RAPGEF2: variants seen among roughly 807,000 people sequenced by gnomAD.
RAPGEF2 encodes PDZ domain containing guanine nucleotide exchange factor (GEF) 1.
In RAPGEF2, 54 loss-of-function variants were observed where a neutral mutation model predicts 186.7. The observed-to-expected ratio is 0.29, with a 90% CI of 0.23 to 0.36. The LOEUF (loss-of-function observed/expected upper bound fraction) is 0.36. Among genes scored for constraint, RAPGEF2 ranks in the 10% least tolerant of loss-of-function variants. The pLI is 1.00. For synonymous variants in RAPGEF2, 712 were observed against 705.9 expected (o/e 1.01, Z -0.14); for missense variants, 1,532 against 2,045.0 (o/e 0.75, Z 4.84).
chr4:159,308,671 A>G (rs1204175213), intron 8 of RAPGEF2, among the ~76,000 whole-genome samples: 1 of 152,172 alleles, frequency 6.6e-6, no homozygotes, highest in African/African-American at 2.4e-5. Flanking sequence ...CACCAGGGAG[A>G]TATGGATAGA....
intron 1 of RAPGEF2, among the ~76,000 whole-genome samples, chr4:159,184,968 C>G (rs1220859751): frequency 3.3e-5 from 5 of 152,080 alleles, no homozygotes; most frequent in Non-Finnish European, 5.9e-5. Flanking sequence ...AGCCAGTTTC[C>G]CCAGCACCAT....
rs375822734 is a variant in RAPGEF2, at chr4:159,106,923, C to T, written c.69+2692C>T. On this transcript the variant is annotated intron_variant, in intron 1 of 29. Coordinates refer to ENST00000691494, the MANE Select transcript of RAPGEF2 (RefSeq NM_001394067.2). ...TGGGAGCTTTTCATGTCCACCTGCACAATGGAAACGCATTTCAGTTATATC... is the reference window on the plus strand; with the variant it reads ...TGGGAGCTTTTCATGTCCACCTGCATAATGGAAACGCATTTCAGTTATATC... 6.6e-5 allele frequency among the ~76,000 whole-genome samples: 10 copies of T among 152,146 alleles called. No homozygotes were observed. In the East Asian group the frequency reaches 1.9e-3, roughly 29 times the overall value.
chr4:159,337,338 A>C (rs79534344), intron 17 of RAPGEF2, among the ~76,000 whole-genome samples: 2,325 of 152,334 alleles, frequency 0.015, 67 homozygotes, highest in African/African-American at 0.053. Context: ...TCTCTAAAAC[A>C]TCGAGAATAA....
intron 3 of RAPGEF2, among the ~76,000 whole-genome samples, chr4:159,206,472 T>C (rs1401032297): frequency 6.6e-6 from 1 of 152,192 alleles, no homozygotes; most frequent in African/African-American, 2.4e-5. Flanking sequence ...AATTTGCATA[T>C]CCTTTAAGTA....
chr4:159,342,608 T>TTTATTTTATCTTATG (rs1729700724), intron 20 of RAPGEF2, among the ~76,000 whole-genome samples: 1 of 148,124 alleles, frequency 6.8e-6, no homozygotes, highest in African/African-American at 2.5e-5. Flanking sequence ...TTTATTTTAT[T>TTTATTTTATCTTATG]TTATTTTATT....
intron 2 of RAPGEF2, among the ~76,000 whole-genome samples, chr4:159,188,818 A>G (rs924984886): frequency 2.0e-5 from 3 of 152,190 alleles, no homozygotes; most frequent in South Asian, 2.1e-4. Flanking sequence ...AGTTGAGTCT[A>G]TTTACACCTT....
intron 28 of RAPGEF2, 147 bp from the exon 29 acceptor site, chr4:159,355,706 G>A (rs1157767936): frequency 2.8e-6 from 2 of 724,042 alleles, no homozygotes; most frequent in Admixed American, 2.9e-5. Flanking sequence ...TCCCTGGCCT[G>A]CCTCACACCG....
chr4:159,314,318 C>G (rs562134284), intron 8 of RAPGEF2, among the ~76,000 whole-genome samples: 2 of 152,238 alleles, frequency 1.3e-5, no homozygotes, highest in African/African-American at 4.8e-5. Flanking sequence ...CTTCTTTATT[C>G]TACTATGTTT....
At chr4:159,108,410 G>A (rs1247223910) in intron 1 of RAPGEF2, among the ~76,000 whole-genome samples, 1 of 144,518 alleles carries the variant, frequency 6.9e-6, no homozygotes, top group Non-Finnish European at 1.5e-5. Flanking sequence ...TTTTTTTAAG[G>A]AGAAGATGAC....
chr4:159,114,394 G>T (rs865890209), intron 1 of RAPGEF2, among the ~76,000 whole-genome samples: 1 of 151,986 alleles, frequency 6.6e-6, no homozygotes. Flanking sequence ...GAGCCACTGC[G>T]CCCGGCCCTA....
In RAPGEF2 at chr4:159,341,820, TG is replaced by T. The variant is rs1248812832; in HGVS notation, c.2794del (p.Val932Ter). 1 of 1,612,934 alleles carries T rather than the reference TG, an allele frequency of 6.2e-7. No homozygotes were observed. Among genetic ancestry groups the T allele is most frequent in the East Asian group, 2.2e-5 (1 of 44,758 alleles). On this transcript the variant is annotated frameshift_variant, in exon 20 of 30. Coordinates refer to ENST00000691494, the MANE Select transcript of RAPGEF2 (RefSeq NM_001394067.2). LOFTEE classifies it high-confidence loss of function. ...AGAAGTCATTAACCAGGAAACATTT[TG>T]GGTAGCATCTGAAATTCTCAGAGAA... ...FEEVINQETF[W>X]VASEILRETN...
At chr4:159,178,009 C>T (rs1176417915) in intron 1 of RAPGEF2, among the ~76,000 whole-genome samples, 1 of 152,168 alleles carries the variant, frequency 6.6e-6, no homozygotes, top group African/African-American at 2.4e-5. Flanking sequence ...AGTCCATAGA[C>T]ATTTACCACT....
At chr4:159,278,672 T>C (rs961780086) in intron 7 of RAPGEF2, among the ~76,000 whole-genome samples, 8 of 152,188 alleles carry the variant, frequency 5.3e-5, no homozygotes, top group African/African-American at 1.9e-4. Flanking sequence ...AGCATTGTGG[T>C]CAGAAAACTC....
At chr4:159,159,216 A>C (rs921483369) in intron 1 of RAPGEF2, among the ~76,000 whole-genome samples, 6 of 152,110 alleles carry the variant, frequency 3.9e-5, no homozygotes, top group Admixed American at 2.6e-4. Flanking sequence ...TGGATCACGC[A>C]GCTGTTTATT....
chr4:159,314,582 T>C lies in RAPGEF2; in HGVS notation c.676-9T>C, dbSNP rs750864786. On this transcript the variant is annotated splice_polypyrimidine_tract_variant and intron_variant, in intron 8 of 29. Transcript: ENST00000691494. ...AAATAGTTTTTAATTTTTGTGTGTG[T>C]GTCTTAAGGCCACAGAAAGCGAGGC... The C allele has an allele frequency of 2.1e-5, 33 of 1,589,222 alleles. No homozygotes were observed. Among genetic ancestry groups the C allele is most frequent in the Non-Finnish European group, 2.8e-5 (33 of 1,172,866 alleles).
intron 4 of RAPGEF2, among the ~76,000 whole-genome samples, chr4:159,226,143 A>C (rs1231591728): frequency 6.6e-6 from 1 of 151,960 alleles, no homozygotes; most frequent in Non-Finnish European, 1.5e-5. Flanking sequence ...ATCTATTTTG[A>C]TTTAATTTTT....
chr4:159,168,611 T>C (rs2111240836), intron 1 of RAPGEF2, among the ~76,000 whole-genome samples: 1 of 152,232 alleles, frequency 6.6e-6, no homozygotes, highest in South Asian at 2.1e-4. Flanking sequence ...TTATATTAAA[T>C]TATTATTGAA....
At chr4:159,247,757 T>G (rs1398585217) in intron 7 of RAPGEF2, among the ~76,000 whole-genome samples, 2 of 34,798 alleles carry the variant, frequency 5.7e-5, no homozygotes, top group Admixed American at 2.7e-4. Flanking sequence ...ATTTGTTTCT[T>G]TTTTTTTTTT....
intron 12 of RAPGEF2, 75 bp from the exon 13 acceptor site, chr4:159,330,259 A>ATGTG (rs1164757472): frequency 3.8e-6 from 2 of 531,000 alleles, no homozygotes; most frequent in African/African-American, 6.8e-5. Context: ...GTGTGTGTAT[A>ATGTG]TGTATATGTG....
Sources: allele counts gnomAD v4.1 joint callset (sites outside exome capture counted in the v4.1 genomes callset), GRCh38; gene constraint gnomAD v4.1.1; transcripts MANE v1.5; gene names NCBI Gene and HGNC (gene_info 2026-07-23, HGNC 2026-07-21).